Variants in SPECC1L observed in about 807,000 individuals in gnomAD.
SPECC1L encodes cytospin-A.
SPECC1L carries 40 observed loss-of-function variants against 116.8 expected under a neutral mutation model. The observed-to-expected ratio is 0.34, with a 90% CI of 0.27 to 0.45. The LOEUF is 0.45. Among genes scored for constraint, SPECC1L ranks in the 20% least tolerant of loss-of-function variants. SPECC1L has a pLI of 1.00. For missense variants in SPECC1L, 1,110 were observed against 1,373.6 expected (o/e 0.81, Z 3.03); for synonymous variants, 504 against 500.6 (o/e 1.01, Z -0.09).
rs998210113 is a variant in SPECC1L at position 24,348,438 on chromosome 22, C to G, written c.2743+1262C>G. On this transcript the variant is annotated intron_variant, in intron 11 of 16. Transcript: ENST00000314328. Reference sequence around the variant, plus strand: ...CCTATACCTGTCAGTCTTCAGTGTTCTGATAAGCTGGTTGTGTACACATTT... The same window carrying G: ...CCTATACCTGTCAGTCTTCAGTGTTGTGATAAGCTGGTTGTGTACACATTT... Among the ~76,000 whole-genome samples the G allele has an allele frequency of 5.3e-5, 8 of 152,260 alleles. No individual in the cohort carries two copies. The East Asian group carries it at 1.4e-3, about 26-fold the overall frequency.
Position 24,330,267 on chromosome 22 carries a change from G to A in SPECC1L, c.2232G>A (p.Ala744=), listed in dbSNP as rs757075923. The change falls in exon 8 of 17, where the codon GCG becomes GCA. Residue 744 remains alanine (A), a synonymous_variant. Coordinates refer to ENST00000314328, the MANE Select transcript of SPECC1L (RefSeq NM_015330.6). ...TLHRRLREES[A]EWRQFQADLQ... ...GTTTTTTAATATAGGAAGAATCTGCGGAATGGCGGCAGTTTCAGGCTGATC... is the reference window on the plus strand; with the variant it reads ...GTTTTTTAATATAGGAAGAATCTGCAGAATGGCGGCAGTTTCAGGCTGATC... 14 of 1,613,934 alleles carry A rather than the reference G, an allele frequency of 8.7e-6. No individual in the cohort carries two copies. The Admixed American group carries it at 1.0e-4, about 12-fold the overall frequency.
Position 24,411,599 on chromosome 22 carries a change from T to G in SPECC1L, c.3099T>G (p.Ile1033Met). 6.2e-7 allele frequency: 1 copy of G among 1,614,126 alleles called. No homozygotes were observed. Among genetic ancestry groups the G allele is most frequent in the Non-Finnish European group, 8.5e-7 (1 of 1,179,972 alleles). ...TTCCTTTCCTTCAGAATATTGACATTACAAACTTCAGCAGCAGCTGGAATG... is the reference window on the plus strand; with the variant it reads ...TTCCTTTCCTTCAGAATATTGACATGACAAACTTCAGCAGCAGCTGGAATG... ...KKTEGYQNID[I>M]TNFSSSWNDG... Residue 1033 changes from isoleucine (I) to methionine (M), a missense_variant, in exon 15 of 17, where the codon ATT becomes ATG. By Grantham distance (10) the Ile-to-Met change is conservative. Transcript: ENST00000314328.
At chr22:24,353,914 TG>T (rs2041475402) in intron 11 of SPECC1L, among the ~76,000 whole-genome samples, 3 of 152,216 alleles carry the variant, frequency 2.0e-5, no homozygotes. Flanking sequence ...TACATTAGGC[TG>T]GGTAATTTAT....
At chr22:24,359,177 A>G (rs2041594409) in intron 11 of SPECC1L, among the ~76,000 whole-genome samples, 4 of 151,952 alleles carry the variant, frequency 2.6e-5, no homozygotes, top group Admixed American at 2.6e-4. Flanking sequence ...TTCTCTCCAC[A>G]TCTTTCCTAT....
intron 10 of SPECC1L, among the ~76,000 whole-genome samples, chr22:24,338,809 T>TC (rs1206599230): frequency 2.0e-5 from 3 of 152,218 alleles, no homozygotes; most frequent in Admixed American, 1.3e-4. Context: ...TCTGTATTTT[T>TC]CACATGTGGT....
At chr22:24,407,095 G>A (rs889521289) in intron 14 of SPECC1L, among the ~76,000 whole-genome samples, 4 of 152,160 alleles carry the variant, frequency 2.6e-5, no homozygotes, top group African/African-American at 9.7e-5. Flanking sequence ...TTATCACATA[G>A]GGTGCCTTGG....
At chr22:24,340,486 T>A (rs1569427017) in intron 10 of SPECC1L, among the ~76,000 whole-genome samples, 3 of 152,266 alleles carry the variant, frequency 2.0e-5, no homozygotes, top group Non-Finnish European at 4.4e-5. Flanking sequence ...TTAATCAAAC[T>A]TCATCTAAAA....
intron 14 of SPECC1L, among the ~76,000 whole-genome samples, chr22:24,376,269 C>G (rs1293613404): frequency 6.6e-6 from 1 of 152,166 alleles, no homozygotes; most frequent in Non-Finnish European, 1.5e-5. Flanking sequence ...AAGTGGTCCT[C>G]CCACTTCCAA....
intron 14 of SPECC1L, among the ~76,000 whole-genome samples, chr22:24,411,216 CAA>C (rs200896076): frequency 8.1e-6 from 1 of 124,222 alleles, no homozygotes; most frequent in Non-Finnish European, 1.9e-5. Flanking sequence ...AAACAAAAAA[CAA>C]AAAAGGGGGG....
At chr22:24,349,925 C>A (rs992401916) in intron 11 of SPECC1L, among the ~76,000 whole-genome samples, 1 of 152,108 alleles carries the variant, frequency 6.6e-6, no homozygotes, top group Non-Finnish European at 1.5e-5. Flanking sequence ...CTAGTCAAAC[C>A]CTCTACATCT....
At chr22:24,278,255 G>A (rs1240978682) in intron 2 of SPECC1L, among the ~76,000 whole-genome samples, 1 of 152,228 alleles carries the variant, frequency 6.6e-6, no homozygotes, top group African/African-American at 2.4e-5. Flanking sequence ...CAGCTACATG[G>A]GAGGCTGAGG....
intron 14 of SPECC1L, among the ~76,000 whole-genome samples, chr22:24,384,090 A>T (rs927127170): frequency 2.6e-5 from 4 of 151,914 alleles, no homozygotes; most frequent in Non-Finnish European, 4.4e-5. Context: ...TGAAGCACCG[A>T]GAAATGAAAG....
chr22:24,401,518 CT>C (rs1428459216), intron 14 of SPECC1L, among the ~76,000 whole-genome samples: 1 of 152,240 alleles, frequency 6.6e-6, no homozygotes, highest in Non-Finnish European at 1.5e-5. Flanking sequence ...ATTAGGCTTC[CT>C]CTTTACAGAG....
chr22:24,272,171 A>T (rs987542344), intron 1 of SPECC1L, among the ~76,000 whole-genome samples: 2 of 152,206 alleles, frequency 1.3e-5, no homozygotes. Context: ...ACCTGAAGTC[A>T]GGAGTTCAAG....
chr22:24,334,710 T>G, intron 9 of SPECC1L, 137 bp downstream of exon 9: 1 of 938,240 alleles, frequency 1.1e-6, no homozygotes, highest in Non-Finnish European at 1.7e-6. Context: ...TGCACTAGAC[T>G]TAACAGAAGG....
At chr22:24,314,076 G>A (rs938802052) in intron 4 of SPECC1L, among the ~76,000 whole-genome samples, 7 of 150,040 alleles carry the variant, frequency 4.7e-5, no homozygotes, top group African/African-American at 9.8e-5. Flanking sequence ...ATGGAGTTTC[G>A]CTCTGTCACC....
rs1258523505 is a variant in SPECC1L, at chr22:24,321,887, C to G, written c.907C>G (p.Gln303Glu). The change falls in exon 5 of 17, where the codon CAG becomes GAG. Residue 303 changes from glutamine to glutamate, a missense_variant. Transcript: ENST00000314328. ...GAGCCCAGAAATCACCCCTGGTAAC[C>G]AGAGCGATGGAGGAGGAACTCTGAC... ...SLSPEITPGN[Q>E]SDGGGTLTSS... is the part of the protein sequence containing the mutation. 6.2e-7 allele frequency: 1 copy of G among 1,614,200 alleles called. No homozygotes were observed. Among genetic ancestry groups the G allele is most frequent in the Admixed American group, 1.7e-5 (1 of 60,016 alleles).
intron 5 of SPECC1L, among the ~76,000 whole-genome samples, chr22:24,324,000 T>C (rs2040770376): frequency 6.6e-6 from 1 of 152,374 alleles, no homozygotes; most frequent in South Asian, 2.1e-4. Flanking sequence ...TACATCAATA[T>C]AATTTCAGTC....
At chr22:24,407,053 T>G (rs1353712513) in intron 14 of SPECC1L, among the ~76,000 whole-genome samples, 1 of 152,188 alleles carries the variant, frequency 6.6e-6, no homozygotes, top group East Asian at 1.9e-4. Context: ...GCGCTCAAGC[T>G]TCACTTGGGC....
Sources: allele counts gnomAD v4.1 joint callset (sites outside exome capture counted in the v4.1 genomes callset), GRCh38; gene constraint gnomAD v4.1.1; transcripts MANE v1.5; gene names NCBI Gene and HGNC (gene_info 2026-07-23, HGNC 2026-07-21).